The following CMTM4 variants were observed in gnomAD, a reference collection of about 807,000 sequenced individuals.
CMTM4 encodes the protein CKLF-like MARVEL transmembrane domain-containing protein 4.
In CMTM4, 8 loss-of-function variants were observed where a neutral mutation model predicts 19.0. The observed-to-expected ratio is 0.42, with a 90% CI of 0.25 to 0.76. The LOEUF (loss-of-function observed/expected upper bound fraction) is 0.76, where lower values mean the gene tolerates loss of function less well. Among genes scored for constraint, CMTM4 ranks in the 30% least tolerant of loss-of-function variants. The probability of loss-of-function intolerance (pLI) is 0.27; values close to 1 mark genes in which losing one functional copy is unlikely to be tolerated. For missense variants in CMTM4, 228 were observed against 290.2 expected (o/e 0.79, Z 1.56); for synonymous variants, 106 against 121.1 (o/e 0.88, Z 0.82).
chr16:66,605,061 C>T, the CMTM4 span: 4 of 1,011,408 alleles, frequency 4.0e-6, no homozygotes, highest in Non-Finnish European at 5.2e-6. This position sits in a 1 kb window ranked among gnomAD's most constrained non-coding sequence, Gnocchi z 4.6. Context: ...GCTCCGATAC[C>T]CCCTCTCCGC....
At chr16:66,653,791 G>A (rs780554091) in intron 1 of CMTM4, among the ~76,000 whole-genome samples, 2 of 152,162 alleles carry the variant, frequency 1.3e-5, no homozygotes, top group African/African-American at 2.4e-5. Context: ...CTGCAGTGTA[G>A]TGAGCAATCT....
At chr16:66,610,197 A>C (rs1597210067), downstream of CMTM4, 1 of 677,292 alleles carries the variant, frequency 1.5e-6, no homozygotes, top group Non-Finnish European at 2.4e-6. This position sits in a 1 kb window ranked among gnomAD's most constrained non-coding sequence, Gnocchi z 4.6. Flanking sequence ...GTGCACCCTC[A>C]CCCCAGCCTT....
chr16:66,670,625 C>T (rs1337446133), intron 1 of CMTM4, among the ~76,000 whole-genome samples: 2 of 151,848 alleles, frequency 1.3e-5, no homozygotes, highest in African/African-American at 2.4e-5. Flanking sequence ...CATGGTGAAA[C>T]CCCGTCTTTA....
downstream of CMTM4, chr16:66,614,665 C>A (rs952558229): frequency 6.6e-6 from 1 of 152,180 alleles, no homozygotes; most frequent in African/African-American, 2.4e-5. This position sits in a 1 kb window ranked among gnomAD's most constrained non-coding sequence, Gnocchi z 4.9. Context: ...TGTTCAACCT[C>A]CACACAGCAG....
At chr16:66,613,198 C>T, downstream of CMTM4, 1 of 695,474 alleles carries the variant, frequency 1.4e-6, no homozygotes, top group Non-Finnish European at 2.6e-6. Context: ...TTGACCTTTG[C>T]CTTGTCGCCC....
the CMTM4 span, chr16:66,604,987 G>A: frequency 2.8e-6 from 4 of 1,443,120 alleles, no homozygotes; most frequent in Non-Finnish European, 3.6e-6. Context: ...GCCCCGCTAG[G>A]ACTGCGCGGC....
chr16:66,679,448 AAGGGTTCTCTTGAGGCTGG>A (rs2016867457), intron 1 of CMTM4, among the ~76,000 whole-genome samples: 1 of 152,090 alleles, frequency 6.6e-6, no homozygotes, highest in Non-Finnish European at 1.5e-5. Flanking sequence ...ATTATGCAAA[AAGGGTTCTCTTGAGGCTGG>A]AGACCCCCCC....
intron 1 of CMTM4, among the ~76,000 whole-genome samples, chr16:66,644,697 C>G (rs1015190996): frequency 6.6e-6 from 1 of 152,162 alleles, no homozygotes; most frequent in Non-Finnish European, 1.5e-5. Flanking sequence ...TGACCCTTGG[C>G]AGCAGCCTTT....
At chr16:66,613,110 T>A (rs751923493), downstream of CMTM4, 111 of 702,932 alleles carry the variant, frequency 1.6e-4, 1 homozygote, top group South Asian at 1.6e-3. Context: ...CACCAGCCAC[T>A]TTGGTGACAA....
the CMTM4 span, among the ~76,000 whole-genome samples, chr16:66,602,349 A>T: frequency 1.3e-5 from 2 of 152,092 alleles, no homozygotes; most frequent in African/African-American, 4.8e-5. Flanking sequence ...GTGAGCCAAG[A>T]TCATGCCACT....
the CMTM4 span, among the ~76,000 whole-genome samples, chr16:66,598,644 T>A: frequency 6.6e-6 from 1 of 152,176 alleles, no homozygotes; most frequent in African/African-American, 2.4e-5. Flanking sequence ...GTTCTAGAAT[T>A]TCATAAAAAT....
At chr16:66,669,645 C>T (rs1457203292) in intron 1 of CMTM4, among the ~76,000 whole-genome samples, 2 of 152,018 alleles carry the variant, frequency 1.3e-5, no homozygotes, top group East Asian at 3.9e-4. Flanking sequence ...AGGTTCACGC[C>T]ATTCTCCTGC....
In CMTM4 at chr16:66,686,449, G is replaced by A. The variant is rs202024050; in HGVS notation, c.186+9891C>T. ...CTGTAATCCCAGCTACTCAGGAGGC[G>A]GAGGCAGGAGAATTGCTTGAACCCA... On this transcript the variant is annotated intron_variant, in intron 1 of 3. Transcript: ENST00000394106. 4.7e-5 allele frequency among the ~76,000 whole-genome samples: 7 copies of A among 148,268 alleles called. No individual in the cohort carries two copies. In the East Asian group the frequency reaches 8.0e-4, roughly 17 times the overall value.
At chr16:66,632,067 T>C (rs113008676) in intron 2 of CMTM4, among the ~76,000 whole-genome samples, 1 of 152,290 alleles carries the variant, frequency 6.6e-6, no homozygotes, top group East Asian at 1.9e-4. Context: ...GGTTCTGAGA[T>C]AGAGGCCTAA....
chr16:66,628,539 A>G (rs899430280), intron 2 of CMTM4, among the ~76,000 whole-genome samples: 2 of 152,238 alleles, frequency 1.3e-5, no homozygotes, highest in Non-Finnish European at 2.9e-5. Context: ...GCACAGCCCT[A>G]GATGCCTTAA....
intron 2 of CMTM4, among the ~76,000 whole-genome samples, chr16:66,624,729 T>C (rs1257844957): frequency 2.0e-5 from 3 of 152,220 alleles, no homozygotes; most frequent in Non-Finnish European, 4.4e-5. Context: ...ATCGTGCCAC[T>C]GCACTCTAGC....
At chr16:66,652,933 A>G (rs1056500797) in intron 1 of CMTM4, among the ~76,000 whole-genome samples, 1 of 152,222 alleles carries the variant, frequency 6.6e-6, no homozygotes, top group South Asian at 2.1e-4. Context: ...TAAATTAGTA[A>G]TGGAGCAAAA....
At position 66,618,034 on chromosome 16, in the gene CMTM4, C is replaced by A; in HGVS notation, c.*4024G>T. 1 of 985,566 alleles carries A rather than the reference C, an allele frequency of 1.0e-6. No homozygotes were observed. Among genetic ancestry groups the A allele is most frequent in the Non-Finnish European group, 1.2e-6 (1 of 830,066 alleles). The allele number at this position is 985,566 out of a possible 1,614,324, so 61.1% of individuals were successfully genotyped here. ...TCCTCCCTTATCTCCCAGACCTGGC[C>A]GTGTGTGGACCTCACCAGCCTACCA... On this transcript the variant is annotated 3_prime_UTR_variant, in exon 4 of 4. Coordinates refer to ENST00000394106, the MANE Select transcript of CMTM4 (RefSeq NM_181521.3).
intron 2 of CMTM4, among the ~76,000 whole-genome samples, chr16:66,626,198 GC>G (rs2015734735): frequency 6.6e-6 from 1 of 152,226 alleles, no homozygotes; most frequent in Admixed American, 6.5e-5. Flanking sequence ...ACTTTGGGAG[GC>G]CGAGGTGGGC....
Sources: allele counts gnomAD v4.1 joint callset (sites outside exome capture counted in the v4.1 genomes callset), GRCh38; gene constraint gnomAD v4.1.1; non-coding constraint Gnocchi (gnomAD v3.1); transcripts MANE v1.5; gene names NCBI Gene and HGNC (gene_info 2026-07-23, HGNC 2026-07-21).